The following TMEM131 variants were observed in gnomAD, a reference collection of about 807,000 sequenced individuals.
TMEM131 encodes 2610524E03Rik.
TMEM131 carries 66 observed loss-of-function variants against 211.6 expected under a neutral mutation model. The ratio of observed to expected loss-of-function variants is 0.31; its 90% CI spans 0.26 to 0.38. The LOEUF (loss-of-function observed/expected upper bound fraction) is 0.38. TMEM131 is among the 10% of genes least tolerant of loss of function. The pLI, the probability that TMEM131 is intolerant of heterozygous loss-of-function variation, is 1.00. For missense variants in TMEM131, 2,036 were observed against 2,299.3 expected (o/e 0.89, Z 2.34); for synonymous variants, 844 against 841.3 (o/e 1.00, Z -0.06).
At chr2:97,759,103 C>G (rs938256454) in intron 39 of TMEM131, 50 bp from the exon 40 acceptor site, 3 of 1,610,648 alleles carry the variant, frequency 1.9e-6, no homozygotes, top group African/African-American at 2.7e-5. Context: ...TTGCCATGAT[C>G]ACTATAGCAT....
At chr2:97,954,498 G>A (rs139225694) in intron 1 of TMEM131, among the ~76,000 whole-genome samples, 20 of 152,298 alleles carry the variant, frequency 1.3e-4, no homozygotes, top group African/African-American at 4.6e-4. Context: ...ATTAAAGACA[G>A]TGAATTTGTG....
At chr2:97,948,063 G>A (rs570895464) in intron 1 of TMEM131, among the ~76,000 whole-genome samples, 222 of 152,210 alleles carry the variant, frequency 1.5e-3, no homozygotes, top group Non-Finnish European at 2.6e-3. Flanking sequence ...TTATGTAAGA[G>A]CTAAAATTCT....
intron 4 of TMEM131, among the ~76,000 whole-genome samples, chr2:97,870,953 G>A (rs1183603724): frequency 6.6e-6 from 1 of 152,180 alleles, no homozygotes; most frequent in Non-Finnish European, 1.5e-5. Flanking sequence ...CCTTTAGGGG[G>A]CCTATTTGAT....
chr2:97,891,115 T>C (rs1047785058), intron 3 of TMEM131, among the ~76,000 whole-genome samples: 2 of 152,262 alleles, frequency 1.3e-5, no homozygotes, highest in Admixed American at 6.5e-5. Context: ...TCCACGTTTA[T>C]TTAACATGGC....
chr2:97,815,276 A>G lies in TMEM131; in HGVS notation c.1215T>C (p.Ser405=), dbSNP rs372623622. 49 of 1,573,898 alleles carry G rather than the reference A, an allele frequency of 3.1e-5. No individual in the cohort carries two copies. The highest frequency in any genetic ancestry group is 4.0e-5 in the Non-Finnish European group (47 of 1,168,810). Reference sequence around the variant, plus strand: ...CCTTTGCTTTAACTGTTATTTTCCCAGAAAACTGAGATGGCTTTTTTGCCT... The same window carrying G: ...CCTTTGCTTTAACTGTTATTTTCCCGGAAAACTGAGATGGCTTTTTTGCCT... ...ASKAKKPSQF[S]GKITVKAKEK... is the part of the protein sequence containing the mutation. The change falls in exon 13 of 41, where the codon TCT becomes TCC. Residue 405 remains serine, a synonymous_variant. Coordinates refer to ENST00000186436, the MANE Select transcript of TMEM131 (RefSeq NM_015348.2).
chr2:97,856,646 GA>G (rs1673858799), intron 5 of TMEM131, among the ~76,000 whole-genome samples: 1 of 152,164 alleles, frequency 6.6e-6, no homozygotes, highest in African/African-American at 2.4e-5. Context: ...TAAACATACA[GA>G]AAGATTTTGC....
At chr2:97,877,670 T>C (rs1485976072) in intron 4 of TMEM131, among the ~76,000 whole-genome samples, 2 of 152,300 alleles carry the variant, frequency 1.3e-5, no homozygotes, top group East Asian at 1.9e-4. Flanking sequence ...AAACTGAAAC[T>C]GGACCGCTTC....
At chr2:97,892,956 G>A (rs1317541270) in intron 3 of TMEM131, among the ~76,000 whole-genome samples, 1 of 151,900 alleles carries the variant, frequency 6.6e-6, no homozygotes, top group Non-Finnish European at 1.5e-5. Context: ...GTGAAGTTTT[G>A]TTACACAGGT....
At chr2:97,976,319 A>T (rs1028098295) in intron 1 of TMEM131, among the ~76,000 whole-genome samples, 1 of 152,186 alleles carries the variant, frequency 6.6e-6, no homozygotes, top group Non-Finnish European at 1.5e-5. Flanking sequence ...AGAACTATTA[A>T]GTCAGTTTAG....
At position 97,859,512 on chromosome 2, in the gene TMEM131, TAGAC is replaced by T. The variant is rs553525010; in HGVS notation, c.360-89_360-86del. 3,964 of 1,183,886 alleles carry T rather than the reference TAGAC, an allele frequency of 3.3e-3. 15 individuals are homozygous for T. Among genetic ancestry groups the T allele is most frequent in the Non-Finnish European group, 4.2e-3 (3,689 of 871,944 alleles). The allele number at this position is 1,183,886 out of a possible 1,614,324, so 73.3% of individuals were successfully genotyped here. ...TTGTTAAAAAATTAATCAAAATTGT[TAGAC>T]AAATACATAGCTAAATATATTAAAA... On this transcript the variant is annotated intron_variant, in intron 4 of 40. Coordinates refer to ENST00000186436, the MANE Select transcript of TMEM131 (RefSeq NM_015348.2).
At chr2:97,869,018 T>C (rs1466830709) in intron 4 of TMEM131, among the ~76,000 whole-genome samples, 1 of 152,206 alleles carries the variant, frequency 6.6e-6, no homozygotes, top group Non-Finnish European at 1.5e-5. Flanking sequence ...AAGCTTCATA[T>C]AGACATTTAC....
intron 1 of TMEM131, among the ~76,000 whole-genome samples, chr2:97,975,255 G>A (rs984581542): frequency 2.0e-5 from 3 of 150,906 alleles, no homozygotes; most frequent in Non-Finnish European, 4.4e-5. Flanking sequence ...AAAAAAAAAA[G>A]AGAAATAAAA....
At chr2:97,981,092 AT>A (rs1679777406) in intron 1 of TMEM131, among the ~76,000 whole-genome samples, 1 of 146,232 alleles carries the variant, frequency 6.8e-6, no homozygotes, top group Admixed American at 7.0e-5. Context: ...TAAGGTAGCT[AT>A]CCACACACAT....
intron 30 of TMEM131, 109 bp from the exon 31 acceptor site, chr2:97,793,093 G>T: frequency 1.2e-6 from 1 of 827,686 alleles, no homozygotes; most frequent in South Asian, 2.0e-5. Flanking sequence ...AACTACACTA[G>T]GGAAAAAATA....
At chr2:97,806,431 C>T (rs1293627223) in intron 19 of TMEM131, among the ~76,000 whole-genome samples, 1 of 152,134 alleles carries the variant, frequency 6.6e-6, no homozygotes, top group Non-Finnish European at 1.5e-5. Context: ...GTCCCAGCTA[C>T]TGGGGAGGCT....
chr2:97,852,427 G>A (rs1483753108), intron 5 of TMEM131, among the ~76,000 whole-genome samples: 1 of 132,390 alleles, frequency 7.6e-6, no homozygotes, highest in Non-Finnish European at 1.7e-5. Flanking sequence ...CAAAGTGCTG[G>A]GACTACAGGC....
At chr2:97,839,134 AG>A (rs1683073739) in intron 7 of TMEM131, among the ~76,000 whole-genome samples, 1 of 152,174 alleles carries the variant, frequency 6.6e-6, no homozygotes. Flanking sequence ...AGGCCAGCCT[AG>A]GCAACATAGT....
intron 4 of TMEM131, among the ~76,000 whole-genome samples, chr2:97,877,476 G>A (rs537728369): frequency 7.3e-4 from 111 of 152,170 alleles, no homozygotes; most frequent in Non-Finnish European, 1.3e-3. Flanking sequence ...CTACAGTAAC[G>A]AAAACAGTAT....
intron 7 of TMEM131, among the ~76,000 whole-genome samples, chr2:97,840,080 ACAAGGGTAAGAGTGTCTTCCCAG>A (rs1364796113): frequency 6.6e-6 from 1 of 152,260 alleles, no homozygotes; most frequent in Non-Finnish European, 1.5e-5. Flanking sequence ...ACACTGGACT[ACAAGGGTAAGAGTGTCTTCCCAG>A]GTAAACAATC....
Sources: allele counts gnomAD v4.1 joint callset (sites outside exome capture counted in the v4.1 genomes callset), GRCh38; gene constraint gnomAD v4.1.1; transcripts MANE v1.5; gene names NCBI Gene and HGNC (gene_info 2026-07-23, HGNC 2026-07-21).